PRR16: variants seen among roughly 807,000 people sequenced by gnomAD.
PRR16 encodes protein Largen.
PRR16 carries 6 observed loss-of-function variants against 18.2 expected under a neutral mutation model. The ratio of observed to expected loss-of-function variants is 0.33; its 90% CI spans 0.18 to 0.65. The LOEUF is 0.65. Ranked by LOEUF, PRR16 falls within the 30% of genes least tolerant of loss-of-function variation. PRR16 has a pLI of 0.74. For missense variants in PRR16, 412 were observed against 376.6 expected (o/e 1.09, Z -0.78); for synonymous variants, 151 against 147.8 (o/e 1.02, Z -0.16).
At chr5:120,560,798 C>G (rs907832729) in intron 1 of PRR16, among the ~76,000 whole-genome samples, 4 of 151,938 alleles carry the variant, frequency 2.6e-5, no homozygotes, top group African/African-American at 9.7e-5. Flanking sequence ...TGGCTTTGAT[C>G]TCATTACTTG....
At chr5:120,542,550 G>T (rs1312074542) in intron 1 of PRR16, among the ~76,000 whole-genome samples, 1 of 151,828 alleles carries the variant, frequency 6.6e-6, no homozygotes, top group Non-Finnish European at 1.5e-5. Context: ...TCTATTTCAG[G>T]ACCCAAACCA....
chr5:120,540,788 C>T (rs1226127923), intron 1 of PRR16, among the ~76,000 whole-genome samples: 1 of 152,086 alleles, frequency 6.6e-6, no homozygotes, highest in African/African-American at 2.4e-5. Context: ...TATAAGAACT[C>T]AGCCTCCTAG....
chr5:120,794,259 T>A, the PRR16 span, among the ~76,000 whole-genome samples: 1 of 152,092 alleles, frequency 6.6e-6, no homozygotes, highest in South Asian at 2.1e-4. Context: ...ATGAATACAA[T>A]CATGACTCAT....
At chr5:120,643,667 C>G (rs554822688) in intron 1 of PRR16, among the ~76,000 whole-genome samples, 1 of 152,150 alleles carries the variant, frequency 6.6e-6, no homozygotes, top group East Asian at 1.9e-4. Flanking sequence ...GATAGGACCT[C>G]AGTAAACCTG....
At chr5:120,492,110 C>A (rs549026703) in intron 1 of PRR16, among the ~76,000 whole-genome samples, 33 of 131,490 alleles carry the variant, frequency 2.5e-4, no homozygotes, top group African/African-American at 9.4e-4. Flanking sequence ...TTTTTTGAGA[C>A]AGCACCTTGT....
At chr5:120,672,071 C>T (rs888516513) in intron 1 of PRR16, among the ~76,000 whole-genome samples, 1 of 152,150 alleles carries the variant, frequency 6.6e-6, no homozygotes, top group African/African-American at 2.4e-5. Flanking sequence ...GCCAAGGAGA[C>T]AAACCTTAAG....
At chr5:120,766,419 CTATTT>C in the PRR16 span, among the ~76,000 whole-genome samples, 1 of 151,904 alleles carries the variant, frequency 6.6e-6, no homozygotes, top group African/African-American at 2.4e-5. Flanking sequence ...CTCTATTCAA[CTATTT>C]TATTACTTTT....
chr5:120,601,248 C>G (rs1350662586), intron 1 of PRR16, among the ~76,000 whole-genome samples: 1 of 151,896 alleles, frequency 6.6e-6, no homozygotes, highest in African/African-American at 2.4e-5. Context: ...TATTTTTTGA[C>G]TTTTTAATAA....
At chr5:120,528,648 G>A (rs956466855) in intron 1 of PRR16, among the ~76,000 whole-genome samples, 2 of 152,136 alleles carry the variant, frequency 1.3e-5, no homozygotes, top group African/African-American at 2.4e-5. Flanking sequence ...TCAATTTTAA[G>A]AGTACAAAGG....
chr5:120,499,743 A>T lies in PRR16; in HGVS notation c.159+35098A>T, dbSNP rs547455253. Among the ~76,000 whole-genome samples, 7 of 149,862 alleles carry T rather than the reference A, an allele frequency of 4.7e-5. No homozygotes were observed. In the South Asian group the frequency reaches 1.5e-3, roughly 32 times the overall value. On this transcript the variant is annotated intron_variant, in intron 1 of 1. Coordinates refer to ENST00000407149, the MANE Select transcript of PRR16 (RefSeq NM_001300783.2). ...AAAACCTTTGACACCTCTGTCATCA[A>T]GCTGTTGATATCTACTGATTATCTT...
At chr5:120,676,545 T>A (rs2053837) in intron 1 of PRR16, among the ~76,000 whole-genome samples, 1 of 150,508 alleles carries the variant, frequency 6.6e-6, no homozygotes, top group Non-Finnish European at 1.5e-5. Context: ...TGTGTGTGTG[T>A]GTGCGTGTGT....
downstream of PRR16, among the ~76,000 whole-genome samples, chr5:120,690,266 C>T (rs1757193309): frequency 6.6e-6 from 1 of 152,096 alleles, no homozygotes; most frequent in South Asian, 2.1e-4. Flanking sequence ...TTTGGGTGCT[C>T]TGTGAAGAAA....
intron 1 of PRR16, among the ~76,000 whole-genome samples, chr5:120,657,183 C>T (rs961453835): frequency 1.3e-5 from 2 of 151,928 alleles, no homozygotes; most frequent in Non-Finnish European, 2.9e-5. Flanking sequence ...TAGAAATGAT[C>T]TACATGTATT....
intron 1 of PRR16, among the ~76,000 whole-genome samples, chr5:120,656,116 T>G (rs1327689600): frequency 6.6e-6 from 1 of 151,848 alleles, no homozygotes; most frequent in Non-Finnish European, 1.5e-5. Flanking sequence ...CATTTCGTTA[T>G]TCTCAAAATA....
At chr5:120,730,085 C>G in the PRR16 span, among the ~76,000 whole-genome samples, 1 of 152,148 alleles carries the variant, frequency 6.6e-6, no homozygotes, top group Non-Finnish European at 1.5e-5. Flanking sequence ...CATTTACATA[C>G]TACTTTTTGA....
chr5:120,705,092 G>A, the PRR16 span, among the ~76,000 whole-genome samples: 7 of 151,704 alleles, frequency 4.6e-5, no homozygotes, highest in African/African-American at 2.4e-5. Context: ...AAAAAAAGGA[G>A]AGTACATTTC....
chr5:120,543,862 G>C (rs746061727), intron 1 of PRR16, among the ~76,000 whole-genome samples: 8 of 152,074 alleles, frequency 5.3e-5, no homozygotes, highest in Non-Finnish European at 8.8e-5. Flanking sequence ...TATTTTACTT[G>C]TCCTCTTTGA....
At chr5:120,761,830 A>G in the PRR16 span, among the ~76,000 whole-genome samples, 1 of 152,028 alleles carries the variant, frequency 6.6e-6, no homozygotes. Flanking sequence ...GTCTAACTGT[A>G]TGTTTGTACC....
intron 1 of PRR16, chr5:120,617,064 A>G (rs1020505998): frequency 8.3e-6 from 8 of 964,096 alleles, no homozygotes; most frequent in Non-Finnish European, 9.9e-6. Context: ...TAAATGAACT[A>G]TTTTTTAAAG....
Sources: allele counts gnomAD v4.1 joint callset (sites outside exome capture counted in the v4.1 genomes callset), GRCh38; gene constraint gnomAD v4.1.1; transcripts MANE v1.5; gene names NCBI Gene and HGNC (gene_info 2026-07-23, HGNC 2026-07-21).